Variants in PCDH15 observed in about 807,000 individuals in gnomAD.
PCDH15 encodes protocadherin-15.
In PCDH15, 129 loss-of-function variants were observed where a neutral mutation model predicts 178.5. That is an observed-to-expected ratio of 0.72 (90% CI 0.63 to 0.84). The LOEUF (loss-of-function observed/expected upper bound fraction) is 0.84. Among genes scored for constraint, PCDH15 ranks in the 40% least tolerant of loss-of-function variants. The pLI is 0.00. For synonymous variants in PCDH15, 800 were observed against 732.0 expected, an observed-to-expected ratio of 1.09 and a Z score of -1.50; for missense variants, 2,230 against 2,099.9, an observed-to-expected ratio of 1.06 and a Z score of -1.21.
intron 2 of PCDH15, among the ~76,000 whole-genome samples, chr10:54,572,412 A>G (rs1258828613): frequency 5.9e-5 from 9 of 152,154 alleles, no homozygotes; most frequent in Admixed American, 5.9e-4. Context: ...GAAAAATAGC[A>G]TGAATCCTAA....
chr10:55,255,313 T>C (rs1294738824), intron 1 of PCDH15, among the ~76,000 whole-genome samples: 2 of 152,358 alleles, frequency 1.3e-5, no homozygotes, highest in African/African-American at 2.4e-5. Flanking sequence ...TAGTATTCCA[T>C]GGTGTGTATG....
chr10:54,285,974 C>T (rs1041162248), intron 8 of PCDH15, among the ~76,000 whole-genome samples: 1 of 152,176 alleles, frequency 6.6e-6, no homozygotes, highest in Admixed American at 6.6e-5. Context: ...CACTTGATCT[C>T]ACTCACATGG....
At chr10:54,099,170 A>G (rs1409996232) in intron 15 of PCDH15, among the ~76,000 whole-genome samples, 3 of 152,146 alleles carry the variant, frequency 2.0e-5, no homozygotes, top group Non-Finnish European at 4.4e-5. Flanking sequence ...ATGGCTTGAC[A>G]GCTGTGAGAG....
At chr10:55,155,452 T>C (rs941802328) in intron 2 of PCDH15, among the ~76,000 whole-genome samples, 2 of 139,560 alleles carry the variant, frequency 1.4e-5, no homozygotes, top group African/African-American at 5.5e-5. Flanking sequence ...AAGACAGTGT[T>C]CACAGATTTG....
At chr10:54,940,300 A>G (rs566175440) in intron 2 of PCDH15, among the ~76,000 whole-genome samples, 1 of 152,208 alleles carries the variant, frequency 6.6e-6, no homozygotes, top group South Asian at 2.1e-4. Flanking sequence ...ATTGATTGTT[A>G]AAGAGTGTGT....
intron 37 of PCDH15, chr10:53,809,531 T>G: frequency 1.2e-6 from 2 of 1,608,390 alleles, no homozygotes; most frequent in Non-Finnish European, 1.7e-6. Flanking sequence ...GGTTTTTTAA[T>G]TTTCTTTGGC....
intron 10 of PCDH15, among the ~76,000 whole-genome samples, chr10:54,203,259 A>G (rs1271642904): frequency 2.0e-5 from 3 of 152,216 alleles, no homozygotes; most frequent in Non-Finnish European, 4.4e-5. Context: ...CTCGTGTGTC[A>G]GTGGGAATAC....
At chr10:54,470,138 A>C (rs939478785) in intron 3 of PCDH15, among the ~76,000 whole-genome samples, 1 of 152,176 alleles carries the variant, frequency 6.6e-6, no homozygotes, top group African/African-American at 2.4e-5. Context: ...CAGAATGTTT[A>C]GATGAAGGTG....
At chr10:54,715,562 T>C (rs2095470760) in intron 1 of PCDH15, among the ~76,000 whole-genome samples, 1 of 152,092 alleles carries the variant, frequency 6.6e-6, no homozygotes, top group Non-Finnish European at 1.5e-5. Flanking sequence ...CCTGATGGCG[T>C]TTGGCTGGTA....
At chr10:54,092,072 T>C (rs1430835084) in intron 15 of PCDH15, among the ~76,000 whole-genome samples, 1 of 152,120 alleles carries the variant, frequency 6.6e-6, no homozygotes, top group East Asian at 1.9e-4. Context: ...CCTCAAAAAA[T>C]AAAAGAAATT....
intron 3 of PCDH15, among the ~76,000 whole-genome samples, chr10:54,849,553 G>T (rs1321928936): frequency 1.3e-5 from 2 of 152,086 alleles, no homozygotes; most frequent in Non-Finnish European, 2.9e-5. Context: ...TATTTCCGCT[G>T]GGGCTTTTGA....
intron 3 of PCDH15, among the ~76,000 whole-genome samples, chr10:54,470,281 G>A (rs2136669969): frequency 6.6e-6 from 1 of 152,280 alleles, no homozygotes; most frequent in East Asian, 1.9e-4. Context: ...AAACCGGGCA[G>A]CCTTTCTTCG....
In PCDH15 at chr10:53,806,092, T is replaced by G. The variant is rs1841132324; in HGVS notation, c.*487A>C. On this transcript the variant is annotated 3_prime_UTR_variant, in exon 38 of 38. Transcript: ENST00000644397. ...TTCCCTCATTTACTTTACTTTGCAA[T>G]TCTAGCTTTCATTTTAAAAATTAGG... 6.5e-6 allele frequency: 1 copy of G among 153,886 alleles called. No individual in the cohort carries two copies. The highest frequency in any genetic ancestry group is 1.4e-5 in the Non-Finnish European group (1 of 69,342). 9.5% of individuals were successfully genotyped at this position (153,886 alleles called of 1,614,324 possible). A position where few individuals can be genotyped will look rare whatever the true frequency, so the allele number is the denominator to read the frequency against.
At chr10:55,459,970 G>C (rs747370989) in intron 2 of PCDH15, among the ~76,000 whole-genome samples, 33 of 152,122 alleles carry the variant, frequency 2.2e-4, no homozygotes, top group Non-Finnish European at 4.3e-4. Context: ...AATGGTAACT[G>C]CAATCATAAA....
chr10:54,697,625 AAAGGAAGGAAGGAAGG>A (rs60448051), intron 1 of PCDH15, among the ~76,000 whole-genome samples: 1 of 12,478 alleles, frequency 8.0e-5, no homozygotes, highest in African/African-American at 1.8e-4. Flanking sequence ...GAGAGAGAGA[AAAGGAAGGAAGGAAGG>A]AAGGAAGGAA....
intron 2 of PCDH15, among the ~76,000 whole-genome samples, chr10:55,109,332 A>C (rs1042822831): frequency 2.6e-5 from 4 of 152,206 alleles, no homozygotes; most frequent in African/African-American, 7.2e-5. Flanking sequence ...TTGCATTTCT[A>C]ATTTCTCAAT....
intron 2 of PCDH15, among the ~76,000 whole-genome samples, chr10:55,467,371 GA>G (rs374996139): frequency 0.43 from 53,671 of 123,776 alleles, 11,204 homozygotes; most frequent in East Asian, 0.83. Flanking sequence ...ATCTTGGCCT[GA>G]CTTTTTTTTT....
At chr10:54,593,184 C>T (rs2091988406) in intron 2 of PCDH15, among the ~76,000 whole-genome samples, 1 of 151,832 alleles carries the variant, frequency 6.6e-6, no homozygotes, top group African/African-American at 2.4e-5. Flanking sequence ...GATGCAATTC[C>T]ACTTCTATAC....
In PCDH15 at chr10:54,923,612, T is replaced by C. The variant is rs1837547551; in HGVS notation, c.-79-26112A>G. 2.2e-5 allele frequency among the ~76,000 whole-genome samples: 3 copies of C among 138,248 alleles called. 1 individual carries two copies. Among genetic ancestry groups the C allele is most frequent in the Admixed American group, 7.1e-5 (1 of 14,106 alleles). 90.7% of individuals were successfully genotyped at this position (138,248 alleles called of 152,430 possible). On this transcript the variant is annotated intron_variant, in intron 2 of 5. Transcript: ENST00000458638. ...GAACACTTTGCTGCTTAGAAATTTC[T>C]GCCATCAGATACCCTAGATTATCTC...
Sources: gnomAD v4.1 joint callset for allele counts (sites outside exome capture counted in the v4.1 genomes callset) on GRCh38, gnomAD v4.1.1 for gene constraint, MANE v1.5 for transcripts, NCBI Gene and HGNC (gene_info 2026-07-23, HGNC 2026-07-21) for gene names.